The following ZNF613 variants were observed in gnomAD, a reference collection of about 807,000 sequenced individuals.
The protein encoded by ZNF613 is zinc finger protein 613.
ZNF613 carries 8 observed loss-of-function variants against 14.3 expected under a neutral mutation model. The observed-to-expected ratio is 0.56, with a 90% CI of 0.33 to 1.01. The LOEUF (loss-of-function observed/expected upper bound fraction) is 1.01, where lower values mean the gene tolerates loss of function less well. ZNF613 is among the 50% of genes least tolerant of loss of function. The pLI is 0.03. For missense variants in ZNF613, 656 were observed against 741.9 expected, an observed-to-expected ratio of 0.88 and a Z score of 1.35; for synonymous variants, 228 against 254.5, an observed-to-expected ratio of 0.90 and a Z score of 0.99.
chr19:51,938,260 A>AT (rs950209900), intron 3 of ZNF613, among the ~76,000 whole-genome samples: 8 of 151,150 alleles, frequency 5.3e-5, no homozygotes, highest in African/African-American at 1.7e-4. Context: ...CTTTTTCTAA[A>AT]TTTTTTTTTC....
At chr19:51,935,295 C>G (rs925447732) in intron 2 of ZNF613, among the ~76,000 whole-genome samples, 2 of 152,186 alleles carry the variant, frequency 1.3e-5, no homozygotes, top group African/African-American at 4.8e-5. Context: ...GATTATATGT[C>G]TATGACAGTG....
rs375492039 is a variant in ZNF613, at chr19:51,945,780, C to A, written c.*43C>A. ...TGAATGTGGTAGTGCTTTCAGTGAT[C>A]AATTACATCATATGTCACAAAAAAC... On this transcript the variant is annotated 3_prime_UTR_variant, in exon 6 of 6. Coordinates refer to ENST00000293471, the MANE Select transcript of ZNF613 (RefSeq NM_001031721.4). The A allele has an allele frequency of 1.9e-6, 3 of 1,600,740 alleles. No individual in the cohort carries two copies. Among genetic ancestry groups the A allele is most frequent in the Non-Finnish European group, 1.7e-6 (2 of 1,170,738 alleles).
At chr19:51,938,329 T>G (rs2085320468) in intron 3 of ZNF613, among the ~76,000 whole-genome samples, 1 of 152,112 alleles carries the variant, frequency 6.6e-6, no homozygotes, top group South Asian at 2.1e-4. Flanking sequence ...TGGAGTGCAG[T>G]GGTGTGAACA....
At chr19:51,935,779 T>C (rs980134397) in intron 2 of ZNF613, among the ~76,000 whole-genome samples, 2 of 152,126 alleles carry the variant, frequency 1.3e-5, no homozygotes, top group South Asian at 2.1e-4. Flanking sequence ...TCCTTTCCCA[T>C]CTCCCCTCTC....
rs1296789874 is a variant in ZNF613, at chr19:51,940,611, G to A, written c.143-6G>A. On this transcript the variant is annotated splice_polypyrimidine_tract_variant and splice_region_variant and intron_variant, in intron 4 of 5. Transcript: ENST00000293471. ...GCCTAAGTTGTGTATCATTTCCTAT[G>A]AACAGGGTATCAAGCCAGCAAACCA... The A allele has an allele frequency of 1.1e-5, 17 of 1,610,148 alleles. No individual in the cohort carries two copies. Among genetic ancestry groups the A allele is most frequent in the Non-Finnish European group, 1.4e-5 (17 of 1,177,964 alleles).
chr19:51,940,088 C>A, intron 3 of ZNF613, 121 bp from the exon 4 acceptor site: 3 of 1,276,624 alleles, frequency 2.3e-6, no homozygotes, highest in Non-Finnish European at 3.3e-6. Context: ...TTTTAAAAAT[C>A]ACAGCACCTA....
In ZNF613 at chr19:51,934,098, C is replaced by T. The variant is rs1054390623; in HGVS notation, c.-193-1930C>T. 2.6e-5 allele frequency among the ~76,000 whole-genome samples: 4 copies of T among 152,308 alleles called. No individual in the cohort carries two copies. The South Asian group carries it at 6.2e-4, about 24-fold the overall frequency. On this transcript the variant is annotated intron_variant, in intron 2 of 5. Coordinates refer to ENST00000293471, the MANE Select transcript of ZNF613 (RefSeq NM_001031721.4). Reference sequence around the variant, plus strand: ...ATAGGCAAGCATGAGCCACCATGCCCGGCCAGTCACCTTTTTTTTGACTCA... The same window carrying T: ...ATAGGCAAGCATGAGCCACCATGCCTGGCCAGTCACCTTTTTTTTGACTCA...
chr19:51,944,423 A>G lies in ZNF613; in HGVS notation c.540A>G (p.Glu180=). 6.2e-7 allele frequency: 1 copy of G among 1,607,564 alleles called. No individual in the cohort carries two copies. Among genetic ancestry groups the G allele is most frequent in the Non-Finnish European group, 8.5e-7 (1 of 1,175,094 alleles). The change falls in exon 6 of 6, where the codon GAA becomes GAG. Residue 180 remains glutamate, a synonymous_variant. Coordinates refer to ENST00000293471, the MANE Select transcript of ZNF613 (RefSeq NM_001031721.4). The part of the protein sequence containing the change: ...EQFHNEMNFP[E]GGNSVNTNSQ... ...TTCATAATGAAATGAACTTCCCCGA[A>G]GGTGGAAATTCTGTGAATACAAATT... is the stretch of plus-strand genomic sequence containing the variant.
Position 51,944,980 on chromosome 19 carries a change from A to G in ZNF613, c.1097A>G (p.His366Arg), listed in dbSNP as rs777487581. 1 of 1,614,174 alleles carries G rather than the reference A, an allele frequency of 6.2e-7. No homozygotes were observed. Among genetic ancestry groups the G allele is most frequent in the East Asian group, 2.2e-5 (1 of 44,892 alleles). ...CAGCTCAATGCACATCAGAAAGCTC[A>G]CACAGGAGAGAAGTCATATATATGC... ...KSQLNAHQKAHTGEKSYICRD... is the reference protein window; with the variant it reads ...KSQLNAHQKARTGEKSYICRD... The change falls in exon 6 of 6, where the codon CAC (histidine) becomes CGC (arginine). Residue 366 changes from histidine (H) to arginine (R), a missense_variant. Coordinates refer to ENST00000293471, the MANE Select transcript of ZNF613 (RefSeq NM_001031721.4).
Position 51,945,871 on chromosome 19 carries a change from A to T in ZNF613, c.*134A>T. On this transcript the variant is annotated 3_prime_UTR_variant, in exon 6 of 6. Coordinates refer to ENST00000293471, the MANE Select transcript of ZNF613 (RefSeq NM_001031721.4). ...GAATAAAACCTTATGGCTAATAAGC[A>T]TATACTCAGAGAAAAATAGTATGAA... The T allele has an allele frequency of 1.1e-6, 1 of 914,342 alleles. No homozygotes were observed. The highest frequency in any genetic ancestry group is 1.6e-6 in the Non-Finnish European group (1 of 613,462). The allele number at this position is 914,342 out of a possible 1,614,324, so 56.6% of individuals were successfully genotyped here.
In ZNF613 at chr19:51,929,769, A is replaced by G. The variant is rs1458578518; in HGVS notation, c.-321A>G. ...ACTATGTTGCCCAGGCTGATCTTGA[A>G]CTCCTGACCTCAAGTGATCCTCTCT... is the stretch of plus-strand genomic sequence containing the variant. On this transcript the variant is annotated 5_prime_UTR_variant, in exon 2 of 6. Transcript: ENST00000293471. The G allele has an allele frequency of 6.6e-6, 1 of 150,954 alleles. No homozygotes were observed. The highest frequency in any genetic ancestry group is 2.4e-5 in the African/African-American group (1 of 40,966). The allele number at this position is 150,954 out of a possible 1,614,324, so 9.4% of individuals were successfully genotyped here. A position where few individuals can be genotyped will look rare whatever the true frequency, so the allele number is the denominator to read the frequency against.
At chr19:51,939,558 G>C (rs933329540) in intron 3 of ZNF613, among the ~76,000 whole-genome samples, 2 of 152,008 alleles carry the variant, frequency 1.3e-5, no homozygotes, top group Admixed American at 6.6e-5. Flanking sequence ...TCAAACTCCT[G>C]ACCTCAGGTG....
intron 2 of ZNF613, among the ~76,000 whole-genome samples, chr19:51,930,569 T>C (rs2085256724): frequency 6.6e-6 from 1 of 152,156 alleles, no homozygotes. Context: ...GCCAACATAG[T>C]ATAATGTTTT....
intron 5 of ZNF613, among the ~76,000 whole-genome samples, chr19:51,942,281 A>G (rs542874975): frequency 6.6e-6 from 1 of 152,346 alleles, no homozygotes; most frequent in East Asian, 1.9e-4. Context: ...GACAGCTGTG[A>G]ACATCAATAA....
intron 3 of ZNF613, among the ~76,000 whole-genome samples, chr19:51,937,201 A>G (rs1409361543): frequency 1.3e-5 from 2 of 152,204 alleles, no homozygotes; most frequent in African/African-American, 4.8e-5. Context: ...TAGATTATTG[A>G]ACCTCAAGGT....
At chr19:51,937,892 G>A (rs2085317280) in intron 3 of ZNF613, among the ~76,000 whole-genome samples, 1 of 151,820 alleles carries the variant, frequency 6.6e-6, no homozygotes, top group Non-Finnish European at 1.5e-5. Flanking sequence ...ACGACTGCCC[G>A]GCTAATTTTT....
rs149071230 is a variant in ZNF613 at position 51,931,080 on chromosome 19, G to A, written c.-194+1184G>A. Among the ~76,000 whole-genome samples the A allele has an allele frequency of 5.3e-4, 80 of 152,232 alleles. 2 individuals are homozygous for A. The highest frequency in any genetic ancestry group is 1.4e-3 in the African/African-American group (60 of 41,542). Reference sequence around the variant, plus strand: ...AGGTACATGTATTTTTACTAAATATGGAATTGTTAGTATTTTTAATAGCTA... The same window carrying A: ...AGGTACATGTATTTTTACTAAATATAGAATTGTTAGTATTTTTAATAGCTA... On this transcript the variant is annotated intron_variant, in intron 2 of 5. Coordinates refer to ENST00000293471, the MANE Select transcript of ZNF613 (RefSeq NM_001031721.4).
chr19:51,945,166 A>G lies in ZNF613; in HGVS notation c.1283A>G (p.Tyr428Cys), dbSNP rs569118278. ...CGTACTCACACTGGAGAGAAACCCTATGTATGCAATGAATGTGGGAAAGGC... is the reference window on the plus strand; with the variant it reads ...CGTACTCACACTGGAGAGAAACCCTGTGTATGCAATGAATGTGGGAAAGGC... ...HRRTHTGEKP[Y>C]VCNECGKGFS... The change falls in exon 6 of 6, where the codon TAT (tyrosine) becomes TGT (cysteine). Residue 428 changes from tyrosine (Y) to cysteine (C), a missense_variant. Coordinates refer to ENST00000293471, the MANE Select transcript of ZNF613 (RefSeq NM_001031721.4). The G allele has an allele frequency of 1.8e-5, 29 of 1,614,206 alleles. No homozygotes were observed. In the African/African-American group the frequency reaches 2.5e-4, roughly 14 times the overall value.
intron 3 of ZNF613, among the ~76,000 whole-genome samples, chr19:51,939,370 T>A (rs1039186606): frequency 6.6e-6 from 1 of 152,196 alleles, no homozygotes; most frequent in South Asian, 2.1e-4. Context: ...GCTCTGTCAC[T>A]CAGGCTGGAG....
Sources: gnomAD v4.1 joint callset for allele counts (sites outside exome capture counted in the v4.1 genomes callset) on GRCh38, gnomAD v4.1.1 for gene constraint, MANE v1.5 for transcripts, NCBI Gene and HGNC (gene_info 2026-07-23, HGNC 2026-07-21) for gene names.